REDIC1: variants seen among roughly 807,000 people sequenced by gnomAD.
REDIC1 encodes the protein regulator of DNA class I crossover intermediates 1.
the REDIC1 span, among the ~76,000 whole-genome samples, chr12:39,668,890 T>G: frequency 2.6e-5 from 4 of 152,230 alleles, no homozygotes; most frequent in African/African-American, 9.6e-5. Flanking sequence ...CTCATGCCTT[T>G]GTTTTCAGCT....
the REDIC1 span, among the ~76,000 whole-genome samples, chr12:39,870,395 C>A: frequency 6.6e-6 from 1 of 152,130 alleles, no homozygotes; most frequent in South Asian, 2.1e-4. Flanking sequence ...TCTATCCTTT[C>A]GTTGAGAGTT....
chr12:39,672,501 G>A, the REDIC1 span, among the ~76,000 whole-genome samples: 3,083 of 152,236 alleles, frequency 0.02, 42 homozygotes, highest in South Asian at 0.029. Flanking sequence ...ATTGGCAGTG[G>A]CAGTTGACGG....
chr12:39,810,415 T>C, the REDIC1 span, among the ~76,000 whole-genome samples: 2 of 152,204 alleles, frequency 1.3e-5, no homozygotes, highest in Non-Finnish European at 2.9e-5. Context: ...CTCATAGCAT[T>C]TTATAAAAAT....
At chr12:39,728,691 C>T in the REDIC1 span, among the ~76,000 whole-genome samples, 1 of 147,808 alleles carries the variant, frequency 6.8e-6, no homozygotes, top group Non-Finnish European at 1.5e-5. Flanking sequence ...CCCTCTTTTT[C>T]TATTGTTTGG....
At chr12:39,712,652 T>C in the REDIC1 span, among the ~76,000 whole-genome samples, 1 of 145,484 alleles carries the variant, frequency 6.9e-6, no homozygotes, top group Admixed American at 6.9e-5. Flanking sequence ...TATATTTATG[T>C]ATATATGTAT....
chr12:39,664,141 T>C, the REDIC1 span, among the ~76,000 whole-genome samples: 2 of 152,136 alleles, frequency 1.3e-5, no homozygotes, highest in East Asian at 3.9e-4. Flanking sequence ...TAGTTACATA[T>C]GTATACATAT....
the REDIC1 span, among the ~76,000 whole-genome samples, chr12:39,813,293 C>A: frequency 2.6e-5 from 4 of 151,984 alleles, no homozygotes; most frequent in African/African-American, 9.6e-5. Context: ...TTTTGACATA[C>A]ATCAAAATTT....
chr12:39,820,460 A>C, the REDIC1 span, among the ~76,000 whole-genome samples: 4 of 152,160 alleles, frequency 2.6e-5, no homozygotes, highest in Admixed American at 1.3e-4. Flanking sequence ...CAAACTACAC[A>C]AGTTGTAAAC....
chr12:39,660,377 C>T, the REDIC1 span, among the ~76,000 whole-genome samples: 2 of 152,226 alleles, frequency 1.3e-5, no homozygotes, highest in East Asian at 3.9e-4. Flanking sequence ...CTTGAATGTT[C>T]TCTCCAGACA....
chr12:39,871,723 T>C, the REDIC1 span: 6 of 1,418,546 alleles, frequency 4.2e-6, no homozygotes, highest in South Asian at 1.5e-5. Context: ...GGTGTAAGTA[T>C]TGTATTTTTG....
the REDIC1 span, among the ~76,000 whole-genome samples, chr12:39,633,503 C>T: frequency 6.6e-6 from 1 of 152,236 alleles, no homozygotes; most frequent in East Asian, 1.9e-4. Flanking sequence ...AGCAGAAGGA[C>T]TATGTGCTAA....
the REDIC1 span, among the ~76,000 whole-genome samples, chr12:39,852,544 T>C: frequency 1.3e-5 from 2 of 152,204 alleles, no homozygotes; most frequent in African/African-American, 4.8e-5. Context: ...GTACCAATCA[T>C]TTTTTCTTGG....
At chr12:39,712,273 CATGTATATATACCTGT>C in the REDIC1 span, among the ~76,000 whole-genome samples, 5 of 136,776 alleles carry the variant, frequency 3.7e-5, no homozygotes, top group Admixed American at 3.7e-4. Context: ...TGTATATATA[CATGTATATATACCTGT>C]ATGTATATAT....
chr12:39,709,877 T>A, the REDIC1 span, among the ~76,000 whole-genome samples: 6,068 of 151,932 alleles, frequency 0.04, 152 homozygotes, highest in African/African-American at 0.072. Context: ...GTTCTATTTT[T>A]ATTTTTTGAG....
chr12:39,897,501 T>C, the REDIC1 span, among the ~76,000 whole-genome samples: 1 of 152,204 alleles, frequency 6.6e-6, no homozygotes, highest in African/African-American at 2.4e-5. Flanking sequence ...CTACAACTTC[T>C]AATTCAAAGG....
chr12:39,810,656 C>T, the REDIC1 span, among the ~76,000 whole-genome samples: 4 of 152,100 alleles, frequency 2.6e-5, no homozygotes, highest in African/African-American at 4.8e-5. Context: ...CCTTCCATTA[C>T]CAGCCTTCTG....
At chr12:39,646,779 G>A in the REDIC1 span, 10 of 1,149,712 alleles carry the variant, frequency 8.7e-6, no homozygotes, top group African/African-American at 3.2e-5. Context: ...TTTAAATATA[G>A]GAAAGGACAG....
the REDIC1 span, among the ~76,000 whole-genome samples, chr12:39,810,716 A>G: frequency 6.6e-6 from 1 of 152,126 alleles, no homozygotes; most frequent in African/African-American, 2.4e-5. Flanking sequence ...TATTTTCTGT[A>G]TGTATTAAGA....
chr12:39,640,977 G>A, the REDIC1 span: 3 of 1,610,260 alleles, frequency 1.9e-6, no homozygotes, highest in Admixed American at 3.4e-5. Context: ...GATCAAGCAG[G>A]AAAGAAGAAA....
Sources: gnomAD v4.1 joint callset for allele counts (sites outside exome capture counted in the v4.1 genomes callset) on GRCh38, gnomAD v4.1.1 for gene constraint, MANE v1.5 for transcripts, NCBI Gene and HGNC (gene_info 2026-07-23, HGNC 2026-07-21) for gene names.